Variants in ABCG8 observed in about 807,000 individuals in gnomAD.
ABCG8 encodes ATP-binding cassette sub-family G member 8.
ABCG8 carries 81 observed loss-of-function variants against 71.3 expected under a neutral mutation model. The ratio of observed to expected loss-of-function variants is 1.14; its 90% CI spans 0.95 to 1.37. The LOEUF (loss-of-function observed/expected upper bound fraction) is 1.37. Among genes scored for constraint, ABCG8 ranks in the 40% most tolerant of loss-of-function variants. The probability of loss-of-function intolerance (pLI) is 0.00; values close to 1 mark genes in which losing one functional copy is unlikely to be tolerated. For missense variants in ABCG8, 1,119 were observed against 866.2 expected (o/e 1.29, Z -3.66); for synonymous variants, 451 against 354.7 (o/e 1.27, Z -3.05).
intron 6 of ABCG8, among the ~76,000 whole-genome samples, chr2:43,862,665 G>T (rs1267577124): frequency 7.0e-6 from 1 of 142,160 alleles, no homozygotes; most frequent in Non-Finnish European, 1.6e-5. Flanking sequence ...TAACTGGATA[G>T]AATAGAATTC....
At position 43,882,484 on chromosome 2, in the gene ABCG8, T is replaced by C. The variant is rs955503973; in HGVS notation, c.*4571T>C. ...GGAATGCGGGGAAAGTGATGAAATA[T>C]TTTGTTGGTTGGCCTTTGCTTGTTT... On this transcript the variant is annotated 3_prime_UTR_variant, in exon 13 of 13. Transcript: ENST00000272286. 3 of 152,234 alleles carry C rather than the reference T, an allele frequency of 2.0e-5. No individual in the cohort carries two copies. Among genetic ancestry groups the C allele is most frequent in the Non-Finnish European group, 4.4e-5 (3 of 68,050 alleles). The allele number at this position is 152,234 out of a possible 1,614,324, so 9.4% of individuals were successfully genotyped here.
At chr2:43,859,269 C>G (rs1384497686) in intron 6 of ABCG8, among the ~76,000 whole-genome samples, 1 of 151,540 alleles carries the variant, frequency 6.6e-6, no homozygotes, top group African/African-American at 2.4e-5. Context: ...CTCTCACTCT[C>G]TGTCTGGATA....
intron 6 of ABCG8, among the ~76,000 whole-genome samples, chr2:43,856,203 C>T (rs1207186977): frequency 1.3e-5 from 2 of 149,882 alleles, no homozygotes; most frequent in African/African-American, 4.9e-5. Flanking sequence ...GAATTCTCAC[C>T]CTATGGGTAG....
rs949863075 is a variant in ABCG8 at position 43,839,122 on chromosome 2, T to G, written c.63+6T>G. 2.6e-6 allele frequency: 4 copies of G among 1,550,794 alleles called. No individual in the cohort carries two copies. In the African/African-American group the frequency reaches 5.5e-5, roughly 21 times the overall value. On this transcript the variant is annotated splice_donor_region_variant and intron_variant, in intron 1 of 12. Transcript: ENST00000272286. ...CCACTCCCCAGGATACCTCGGTGAG[T>G]GAGCAATGGGAAGTCGGCCCAGGCC...
At chr2:43,850,517 G>C (rs1668880066) in intron 3 of ABCG8, among the ~76,000 whole-genome samples, 1 of 152,200 alleles carries the variant, frequency 6.6e-6, no homozygotes, top group East Asian at 1.9e-4. Context: ...GTAAACTAGT[G>C]TCACGGGGTT....
chr2:43,861,331 T>G (rs1235016524), intron 6 of ABCG8, among the ~76,000 whole-genome samples: 1 of 151,392 alleles, frequency 6.6e-6, no homozygotes, highest in Non-Finnish European at 1.5e-5. Context: ...ACTATCTATC[T>G]GGATAGAAGT....
intron 11 of ABCG8, among the ~76,000 whole-genome samples, chr2:43,876,149 C>CTGAGCACGTGCAG (rs1669952615): frequency 6.6e-6 from 1 of 152,218 alleles, no homozygotes; most frequent in Non-Finnish European, 1.5e-5. Flanking sequence ...GTCCATGAAG[C>CTGAGCACGTGCAG]TGAGCACGTG....
chr2:43,851,662 T>C lies in ABCG8; in HGVS notation c.401T>C (p.Ile134Thr). 1 of 1,614,184 alleles carries C rather than the reference T, an allele frequency of 6.2e-7. No individual in the cohort carries two copies. The stretch of plus-strand genomic sequence containing the variant: ...AAGATCAAGTCAGGCCAGATCTGGA[T>C]CAATGGGCAGCCCAGCTCGCCTCAG... ...GGKIKSGQIW[I>T]NGQPSSPQLV... Residue 134 changes from isoleucine to threonine, a missense_variant, in exon 4 of 13, where the codon ATC becomes ACC. Transcript: ENST00000272286.
intron 6 of ABCG8, among the ~76,000 whole-genome samples, chr2:43,856,319 T>G (rs1278464689): frequency 6.6e-6 from 1 of 151,832 alleles, no homozygotes; most frequent in Non-Finnish European, 1.5e-5. Context: ...TCTTTGTGGA[T>G]AGAACTCTCA....
chr2:43,844,389 T>G, intron 1 of ABCG8, 118 bp from the exon 2 acceptor site: 1 of 792,846 alleles, frequency 1.3e-6, no homozygotes, highest in Non-Finnish European at 2.2e-6. Flanking sequence ...TGTTGCCAAT[T>G]TGAGATTTAA....
In ABCG8 at chr2:43,872,221, A is replaced by G; in HGVS notation, c.1128-2A>G. 1 of 1,614,016 alleles carries G rather than the reference A, an allele frequency of 6.2e-7. No individual in the cohort carries two copies. Among genetic ancestry groups the G allele is most frequent in the Non-Finnish European group, 8.5e-7 (1 of 1,180,022 alleles). ...GACCTGGCCACATCTTCTGCCTCCC[A>G]GCAGCGTGACCCCACTAGACACCAA... On this transcript the variant is annotated splice_acceptor_variant, in intron 7 of 12. Transcript: ENST00000272286. LOFTEE classifies it high-confidence loss of function.
intron 6 of ABCG8, among the ~76,000 whole-genome samples, chr2:43,871,320 C>G (rs538298798): frequency 2.3e-4 from 34 of 151,044 alleles, no homozygotes; most frequent in African/African-American, 6.3e-4. Flanking sequence ...GGATAGAACT[C>G]TCACTCTCTG....
chr2:43,849,626 C>G (rs1481695232), intron 3 of ABCG8, among the ~76,000 whole-genome samples: 1 of 152,170 alleles, frequency 6.6e-6, no homozygotes, highest in East Asian at 1.9e-4. Context: ...AGGCTCCCCA[C>G]CGCTCTCACA....
At position 43,873,923 on chromosome 2, in the gene ABCG8, G is replaced by T. The variant is rs754133516; in HGVS notation, c.1348G>T (p.Ala450Ser). 6.2e-7 allele frequency: 1 copy of T among 1,613,992 alleles called. No homozygotes were observed. The highest frequency in any genetic ancestry group is 8.5e-7 in the Non-Finnish European group (1 of 1,180,012). Residue 450 changes from alanine to serine, a missense_variant, in exon 9 of 13, where the codon GCC becomes TCC. Coordinates refer to ENST00000272286, the MANE Select transcript of ABCG8 (RefSeq NM_022437.3). ...CCAGCTCTCCTTCATGGATACAGCC[G>T]CCCTCTTGTTCATGATCGGTGCTCT... ...SIQLSFMDTA[A>S]LLFMIGALIP...
At chr2:43,867,633 C>T (rs958327745) in intron 6 of ABCG8, among the ~76,000 whole-genome samples, 1 of 152,142 alleles carries the variant, frequency 6.6e-6, no homozygotes, top group Non-Finnish European at 1.5e-5. Flanking sequence ...ATAGAACTCT[C>T]ACTGTCTGGA....
rs749860873 is a variant in ABCG8, at chr2:43,844,559, C to T, written c.116C>T (p.Thr39Ile). The T allele has an allele frequency of 3.1e-6, 5 of 1,614,174 alleles. No individual in the cohort carries two copies. Among genetic ancestry groups the T allele is most frequent in the Non-Finnish European group, 4.2e-6 (5 of 1,180,030 alleles). Reference sequence around the variant, plus strand: ...GAAAGTGACAACAGCCTGTACTTCACCTACAGTGGCCAGCCCAACACCCTG... The same window carrying T: ...GAAAGTGACAACAGCCTGTACTTCATCTACAGTGGCCAGCCCAACACCCTG... ...SSESDNSLYF[T>I]YSGQPNTLEV... Residue 39 changes from threonine (T) to isoleucine (I), a missense_variant, in exon 2 of 13, where the codon ACC becomes ATC. Coordinates refer to ENST00000272286, the MANE Select transcript of ABCG8 (RefSeq NM_022437.3).
chr2:43,851,870 T>A lies in ABCG8; in HGVS notation c.561+48T>A, dbSNP rs747689442. The stretch of plus-strand genomic sequence containing the variant: ...GACCCCCAGGTCCAAGAAGCTACAG[T>A]GTCCATGCCCCGCTCCTCCCCTGCT... On this transcript the variant is annotated intron_variant, in intron 4 of 12. Transcript: ENST00000272286. 42 of 1,588,430 alleles carry A rather than the reference T, an allele frequency of 2.6e-5. No individual in the cohort carries two copies. In the African/African-American group the frequency reaches 5.0e-4, roughly 19 times the overall value.
At chr2:43,842,665 T>C (rs1245296278) in intron 1 of ABCG8, among the ~76,000 whole-genome samples, 1 of 152,068 alleles carries the variant, frequency 6.6e-6, no homozygotes, top group African/African-American at 2.4e-5. Context: ...CACCACCAAT[T>C]ACCAAAAGCT....
intron 3 of ABCG8, among the ~76,000 whole-genome samples, chr2:43,849,021 TAAAAA>T (rs1193216137): frequency 1.8e-5 from 1 of 54,712 alleles, no homozygotes; most frequent in Non-Finnish European, 3.5e-5. Flanking sequence ...AAACACTGTC[TAAAAA>T]AAAAAAAAAA....
Sources: allele counts gnomAD v4.1 joint callset (sites outside exome capture counted in the v4.1 genomes callset), GRCh38; gene constraint gnomAD v4.1.1; transcripts MANE v1.5; gene names NCBI Gene and HGNC (gene_info 2026-07-23, HGNC 2026-07-21).